NALCN: variants seen among roughly 807,000 people sequenced by gnomAD.
The protein encoded by NALCN is sodium leak channel NALCN.
In NALCN, 111 loss-of-function variants were observed where a neutral mutation model predicts 225.3. That is an observed-to-expected ratio of 0.49 (90% CI 0.42 to 0.58). NALCN has a LOEUF of 0.58. Ranked by LOEUF, NALCN falls within the 20% of genes least tolerant of loss-of-function variation. NALCN has a pLI of 0.00. For missense variants in NALCN, 1,378 were observed against 2,202.4 expected, an observed-to-expected ratio of 0.63 and a Z score of 7.49; for synonymous variants, 764 against 769.0, an observed-to-expected ratio of 0.99 and a Z score of 0.11.
intron 26 of NALCN, among the ~76,000 whole-genome samples, chr13:101,102,410 G>A (rs762570810): frequency 1.6e-4 from 24 of 152,092 alleles, no homozygotes; most frequent in Non-Finnish European, 3.1e-4. Context: ...TCTCTAGAAA[G>A]CAAGATACAA....
chr13:101,117,666 G>GT (rs1358335162), intron 18 of NALCN, among the ~76,000 whole-genome samples: 3 of 152,112 alleles, frequency 2.0e-5, no homozygotes, highest in Non-Finnish European at 4.4e-5. Context: ...AGGCATTTAT[G>GT]TTTACACCAT....
intron 37 of NALCN, among the ~76,000 whole-genome samples, chr13:101,071,581 A>G (rs1174690296): frequency 6.6e-6 from 1 of 152,116 alleles, no homozygotes; most frequent in Admixed American, 6.5e-5. Context: ...ATTTGAAGAG[A>G]GTAAGGGCCT....
chr13:101,313,337 T>C (rs182288142), intron 7 of NALCN, among the ~76,000 whole-genome samples: 1,527 of 152,120 alleles, frequency 0.01, 11 homozygotes, highest in Non-Finnish European at 0.014. Context: ...CAAATGGGAT[T>C]TAATTAAACT....
intron 13 of NALCN, among the ~76,000 whole-genome samples, chr13:101,222,636 C>T (rs533896163): frequency 2.0e-4 from 31 of 152,156 alleles, no homozygotes; most frequent in Non-Finnish European, 3.7e-4. Flanking sequence ...GAGGCTGCCC[C>T]CTTGCCTTTG....
intron 13 of NALCN, among the ~76,000 whole-genome samples, chr13:101,212,190 C>T (rs565344352): frequency 1.3e-3 from 195 of 152,106 alleles, no homozygotes; most frequent in African/African-American, 4.2e-3. Context: ...TGCCATGACC[C>T]AAATCTCTAC....
chr13:101,102,921 G>A (rs193001595), intron 26 of NALCN, among the ~76,000 whole-genome samples: 4 of 152,178 alleles, frequency 2.6e-5, no homozygotes, highest in Non-Finnish European at 4.4e-5. Flanking sequence ...AGTACCGAAA[G>A]AGTCAGCAGA....
At chr13:101,318,746 A>T (rs1450531888) in intron 7 of NALCN, among the ~76,000 whole-genome samples, 1 of 152,234 alleles carries the variant, frequency 6.6e-6, no homozygotes, top group East Asian at 1.9e-4. Flanking sequence ...CCAATAAGAA[A>T]GCCCTAAAAC....
intron 6 of NALCN, 76 bp from the exon 7 acceptor site, chr13:101,345,496 C>A: frequency 6.7e-7 from 1 of 1,503,524 alleles, no homozygotes; most frequent in Non-Finnish European, 9.0e-7. Flanking sequence ...TGTAATTACC[C>A]TTCATTAATA....
At chr13:101,230,315 A>G (rs1280599090) in intron 12 of NALCN, among the ~76,000 whole-genome samples, 2 of 152,254 alleles carry the variant, frequency 1.3e-5, no homozygotes, top group African/African-American at 4.8e-5. Context: ...TCACAAGGAA[A>G]TGGAAAGAGA....
At chr13:101,237,086 G>A (rs1594501314) in intron 12 of NALCN, among the ~76,000 whole-genome samples, 1 of 151,812 alleles carries the variant, frequency 6.6e-6, no homozygotes, top group African/African-American at 2.4e-5. Context: ...CCAGGACAGT[G>A]AGCGTGTTGC....
Position 101,054,641 on chromosome 13 carries a change from A to G in NALCN, c.*654T>C, listed in dbSNP as rs913838239. ...TTCTTTGCCTGGTGCTTGCACACACAATTTTCTTAGAAGGAGGCAACAGTT... is the reference window on the plus strand; with the variant it reads ...TTCTTTGCCTGGTGCTTGCACACACGATTTTCTTAGAAGGAGGCAACAGTT... On this transcript the variant is annotated 3_prime_UTR_variant, in exon 44 of 44. Transcript: ENST00000251127. 2.6e-5 allele frequency: 4 copies of G among 152,228 alleles called. No homozygotes were observed. Among genetic ancestry groups the G allele is most frequent in the African/African-American group, 9.6e-5 (4 of 41,452 alleles). 9.4% of individuals were successfully genotyped at this position (152,228 alleles called of 1,614,324 possible).
Position 101,055,052 on chromosome 13 carries a change from C to A in NALCN, c.*243G>T. 2.1e-6 allele frequency: 1 copy of A among 480,300 alleles called. No homozygotes were observed. The highest frequency in any genetic ancestry group is 5.3e-4 in the Middle Eastern group (1 of 1,872). 29.8% of individuals were successfully genotyped at this position (480,300 alleles called of 1,614,324 possible). On this transcript the variant is annotated 3_prime_UTR_variant, in exon 44 of 44. Transcript: ENST00000251127. ...TTTTTAAGTGATATACATTTGCTTG[C>A]GGTATCATTTCTAATATTATCAGTA...
At chr13:101,307,494 G>C (rs1375788530) in intron 7 of NALCN, among the ~76,000 whole-genome samples, 2 of 152,194 alleles carry the variant, frequency 1.3e-5, no homozygotes, top group Non-Finnish European at 2.9e-5. Flanking sequence ...TGGATGTCTG[G>C]AGCGGCATTC....
chr13:101,193,357 G>T (rs888206968), intron 13 of NALCN, among the ~76,000 whole-genome samples: 1 of 152,088 alleles, frequency 6.6e-6, no homozygotes. Flanking sequence ...CGACCTAACT[G>T]TAATTTCCTT....
At chr13:101,259,537 C>T (rs1404967521) in intron 10 of NALCN, among the ~76,000 whole-genome samples, 3 of 151,188 alleles carry the variant, frequency 2.0e-5, no homozygotes, top group East Asian at 2.0e-4. Flanking sequence ...GGTTTCACCA[C>T]GTTAGCCAGG....
At chr13:101,088,940 T>A (rs1183218577) in intron 30 of NALCN, among the ~76,000 whole-genome samples, 1 of 150,518 alleles carries the variant, frequency 6.6e-6, no homozygotes, top group Non-Finnish European at 1.5e-5. Context: ...GCTCTGTTGC[T>A]CAGGCTGGAT....
chr13:101,181,553 G>T lies in NALCN; in HGVS notation c.1765-5179C>A, dbSNP rs561887048. Among the ~76,000 whole-genome samples, 5 of 149,372 alleles carry T rather than the reference G, an allele frequency of 3.3e-5. No individual in the cohort carries two copies. The East Asian group carries it at 9.8e-4, about 29-fold the overall frequency. The stretch of plus-strand genomic sequence containing the variant: ...GACCCCAGGAATTTGAGACCAGCCT[G>T]GGCAACCCTGTCTCTCAAAAAAAAA... On this transcript the variant is annotated intron_variant, in intron 14 of 43. Transcript: ENST00000251127.
chr13:101,277,104 T>TA (rs763984179), intron 10 of NALCN, among the ~76,000 whole-genome samples: 1 of 152,068 alleles, frequency 6.6e-6, no homozygotes, highest in Admixed American at 6.5e-5. Flanking sequence ...TTATTACTCG[T>TA]AAAAAACTCA....
chr13:101,263,990 C>T (rs1029296763), intron 10 of NALCN, among the ~76,000 whole-genome samples: 6 of 151,964 alleles, frequency 3.9e-5, no homozygotes, highest in Non-Finnish European at 8.8e-5. Context: ...CAGGAAAGTC[C>T]AAATTTATAC....
Sources: allele counts gnomAD v4.1 joint callset (sites outside exome capture counted in the v4.1 genomes callset), GRCh38; gene constraint gnomAD v4.1.1; transcripts MANE v1.5; gene names NCBI Gene and HGNC (gene_info 2026-07-23, HGNC 2026-07-21).